EIF4G3: variants seen among roughly 807,000 people sequenced by gnomAD.
EIF4G3 encodes eIF-4-gamma 3.
EIF4G3 carries 34 observed loss-of-function variants against 186.4 expected under a neutral mutation model. That is an observed-to-expected ratio of 0.18 (90% CI 0.14 to 0.24). The LOEUF (loss-of-function observed/expected upper bound fraction) is 0.24, where lower values mean the gene tolerates loss of function less well. Among genes scored for constraint, EIF4G3 ranks in the 10% least tolerant of loss-of-function variants. EIF4G3 has a pLI of 1.00. For missense variants in EIF4G3, 1,536 were observed against 1,948.5 expected, an observed-to-expected ratio of 0.79 and a Z score of 3.99; for synonymous variants, 673 against 679.5, an observed-to-expected ratio of 0.99 and a Z score of 0.15.
intron 23 of EIF4G3, 101 bp downstream of exon 23, chr1:20,862,127 C>T (rs919982977): frequency 1.5e-6 from 1 of 674,132 alleles, no homozygotes; most frequent in Non-Finnish European, 2.4e-6. Context: ...GAAGCAAAAG[C>T]ACTATCTTTA....
intron 4 of EIF4G3, among the ~76,000 whole-genome samples, chr1:21,025,939 C>G (rs1419593413): frequency 6.6e-6 from 1 of 152,132 alleles, no homozygotes; most frequent in Non-Finnish European, 1.5e-5. Flanking sequence ...TGTTCATGAA[C>G]TGGAAGATTT....
chr1:21,033,547 T>C (rs1223474926), intron 4 of EIF4G3, among the ~76,000 whole-genome samples: 1 of 152,190 alleles, frequency 6.6e-6, no homozygotes, highest in African/African-American at 2.4e-5. Flanking sequence ...GGCACTGTTA[T>C]TTCTATTGAA....
intron 3 of EIF4G3, among the ~76,000 whole-genome samples, chr1:21,080,257 A>G (rs1244139943): frequency 5.9e-5 from 9 of 151,506 alleles, no homozygotes; most frequent in African/African-American, 2.2e-4. Context: ...TTAAGGCTGC[A>G]GTGAGACATG....
chr1:20,977,907 T>C (rs1331024038), intron 10 of EIF4G3, among the ~76,000 whole-genome samples: 2 of 152,190 alleles, frequency 1.3e-5, no homozygotes, highest in African/African-American at 2.4e-5. Context: ...GGAAATTTAA[T>C]GATGACATTT....
At chr1:20,838,927 T>C (rs1346079981) in intron 30 of EIF4G3, among the ~76,000 whole-genome samples, 1 of 152,210 alleles carries the variant, frequency 6.6e-6, no homozygotes, top group Non-Finnish European at 1.5e-5. Context: ...TCTTCCTGCC[T>C]CAGCCTTCCA....
intron 2 of EIF4G3, among the ~76,000 whole-genome samples, chr1:21,098,837 A>T (rs1296604820): frequency 6.6e-6 from 1 of 152,008 alleles, no homozygotes; most frequent in African/African-American, 2.4e-5. Context: ...AAGTCTCGCT[A>T]TGTTGCCCAG....
At chr1:20,973,650 T>G (rs993176312) in intron 10 of EIF4G3, among the ~76,000 whole-genome samples, 1 of 152,224 alleles carries the variant, frequency 6.6e-6, no homozygotes, top group African/African-American at 2.4e-5. Flanking sequence ...GGCCTTAAGA[T>G]AAAGTCCAGA....
intron 10 of EIF4G3, among the ~76,000 whole-genome samples, chr1:20,977,975 G>C (rs1237125704): frequency 6.6e-6 from 1 of 152,124 alleles, no homozygotes; most frequent in Non-Finnish European, 1.5e-5. Flanking sequence ...AATTCAGTAA[G>C]ACATCTTTAA....
chr1:21,097,980 C>T (rs1295880067), intron 2 of EIF4G3, among the ~76,000 whole-genome samples: 1 of 152,024 alleles, frequency 6.6e-6, no homozygotes, highest in African/African-American at 2.4e-5. Context: ...GTGGCTCATG[C>T]CTGTAATCAA....
intron 3 of EIF4G3, among the ~76,000 whole-genome samples, chr1:21,068,959 A>G (rs765431642): frequency 6.6e-6 from 1 of 152,214 alleles, no homozygotes; most frequent in Non-Finnish European, 1.5e-5. Flanking sequence ...TGGTACACAA[A>G]AAGTTTCAGG....
chr1:21,015,824 G>T (rs1238205649), intron 4 of EIF4G3, among the ~76,000 whole-genome samples: 1 of 149,022 alleles, frequency 6.7e-6, no homozygotes, highest in East Asian at 1.9e-4. Context: ...CAAAAATGAG[G>T]GAAGAATTAA....
chr1:20,899,576 A>G, intron 16 of EIF4G3, 121 bp downstream of exon 16: 1 of 1,279,898 alleles, frequency 7.8e-7, no homozygotes. Flanking sequence ...TCTGTCCTGT[A>G]AATATTATAT....
chr1:20,824,999 G>T, intron 33 of EIF4G3, 101 bp downstream of exon 33: 2 of 662,334 alleles, frequency 3.0e-6, no homozygotes, highest in South Asian at 2.9e-5. Flanking sequence ...TTCCTATTTT[G>T]ATGCAATTTT....
chr1:21,104,213 C>A (rs994837626), intron 2 of EIF4G3, among the ~76,000 whole-genome samples: 2 of 152,128 alleles, frequency 1.3e-5, no homozygotes, highest in African/African-American at 4.8e-5. Flanking sequence ...ACTAGAAAGA[C>A]AAATGCTTAA....
intron 14 of EIF4G3, among the ~76,000 whole-genome samples, chr1:20,921,224 A>T (rs1365592398): frequency 6.6e-6 from 1 of 152,226 alleles, no homozygotes; most frequent in Admixed American, 6.5e-5. Context: ...GTTATTTGGA[A>T]ATGAAAAAGC....
chr1:20,916,566 C>T (rs76122612), intron 14 of EIF4G3, among the ~76,000 whole-genome samples: 48,983 of 151,808 alleles, frequency 0.32, 8,538 homozygotes, highest in Non-Finnish European at 0.39. Flanking sequence ...AATCAAATTT[C>T]AACTGTCTTT....
intron 33 of EIF4G3, among the ~76,000 whole-genome samples, chr1:20,823,072 C>T (rs1039860255): frequency 6.6e-6 from 1 of 151,900 alleles, no homozygotes; most frequent in African/African-American, 2.4e-5. Context: ...AAGTAATGTG[C>T]TTCTTCTTCC....
At chr1:20,981,617 TATAC>T (rs372554980) in intron 8 of EIF4G3, among the ~76,000 whole-genome samples, 3 of 56,754 alleles carry the variant, frequency 5.3e-5, no homozygotes, top group East Asian at 1.2e-3. Context: ...ATACTGTATG[TATAC>T]ATACATGTAT....
chr1:20,854,109 G>A (rs1413584788), intron 26 of EIF4G3, among the ~76,000 whole-genome samples: 1 of 152,162 alleles, frequency 6.6e-6, no homozygotes, highest in Non-Finnish European at 1.5e-5. Flanking sequence ...CATATAGGAA[G>A]TAGGTTAACA....
Sources: allele counts gnomAD v4.1 joint callset (sites outside exome capture counted in the v4.1 genomes callset), GRCh38; gene constraint gnomAD v4.1.1; transcripts MANE v1.5; gene names NCBI Gene and HGNC (gene_info 2026-07-23, HGNC 2026-07-21).